HERC2: variants seen among roughly 807,000 people sequenced by gnomAD.
HERC2 encodes the protein E3 ubiquitin-protein ligase HERC2.
HERC2 carries 102 observed loss-of-function variants against 537.7 expected under a neutral mutation model. The observed-to-expected ratio is 0.19, with a 90% CI of 0.16 to 0.22. HERC2 has a LOEUF of 0.22. Among genes scored for constraint, HERC2 ranks in the 10% least tolerant of loss-of-function variants. The pLI, the probability that HERC2 is intolerant of heterozygous loss-of-function variation, is 1.00. For missense variants in HERC2, 4,236 were observed against 6,198.2 expected, an observed-to-expected ratio of 0.68 and a Z score of 10.63; for synonymous variants, 2,224 against 2,466.2, an observed-to-expected ratio of 0.90 and a Z score of 2.91.
At chr15:28,290,007 G>T (rs912867365) in intron 4 of HERC2, among the ~76,000 whole-genome samples, 1 of 152,238 alleles carries the variant, frequency 6.6e-6, no homozygotes, top group Non-Finnish European at 1.5e-5. Context: ...TCTCTCAGGC[G>T]GGGTTCAAAG....
Position 28,122,957 on chromosome 15 carries a change from C to T in HERC2, c.13188+1080G>A, listed in dbSNP as rs1386077439. Among the ~76,000 whole-genome samples the T allele has an allele frequency of 2.0e-5, 3 of 152,090 alleles. No homozygotes were observed. The highest frequency in any genetic ancestry group is 4.4e-5 in the Non-Finnish European group (3 of 68,012). On this transcript the variant is annotated intron_variant, in intron 85 of 92. Coordinates refer to ENST00000261609, the MANE Select transcript of HERC2 (RefSeq NM_004667.6). The surrounding 1 kb of genome is among the most constrained non-coding windows in gnomAD (Gnocchi z 4.1). ...CAAAGAAAGGTTTTTTTCCTCTGTG[C>T]TGCCTATTATCATCACCACTTTGAA...
At chr15:28,305,963 C>G (rs969464766) in intron 2 of HERC2, among the ~76,000 whole-genome samples, 47 of 152,168 alleles carry the variant, frequency 3.1e-4, no homozygotes, top group African/African-American at 1.1e-3. Flanking sequence ...AAATGCAAAT[C>G]AAAACCACTA....
At chr15:28,305,901 T>C (rs897887921) in intron 2 of HERC2, among the ~76,000 whole-genome samples, 6 of 152,142 alleles carry the variant, frequency 3.9e-5, no homozygotes, top group African/African-American at 1.2e-4. Context: ...AAGAAGACAT[T>C]TATGCAGCCA....
chr15:28,154,296 T>C (rs1892763507), intron 69 of HERC2, among the ~76,000 whole-genome samples: 1 of 152,232 alleles, frequency 6.6e-6, no homozygotes, highest in Non-Finnish European at 1.5e-5. Flanking sequence ...TATTATATAT[T>C]AACAAACTAA....
intron 4 of HERC2, among the ~76,000 whole-genome samples, chr15:28,286,493 G>A (rs1419886467): frequency 6.6e-6 from 1 of 152,112 alleles, no homozygotes; most frequent in Non-Finnish European, 1.5e-5. Context: ...CTATTAATAG[G>A]CTAAAGAACA....
At chr15:28,112,773 C>A (rs935221651) in intron 92 of HERC2, among the ~76,000 whole-genome samples, 1 of 152,186 alleles carries the variant, frequency 6.6e-6, no homozygotes, top group African/African-American at 2.4e-5. Flanking sequence ...TCACCTAATT[C>A]GACCAGATAA....
intron 89 of HERC2, 67 bp from the exon 90 acceptor site, chr15:28,114,869 A>C: frequency 7.5e-7 from 1 of 1,340,722 alleles, no homozygotes; most frequent in Non-Finnish European, 1.1e-6. Flanking sequence ...ACTCCAGTCC[A>C]CCCAGCACAC....
chr15:28,145,040 C>T (rs572027816), intron 71 of HERC2, among the ~76,000 whole-genome samples: 4 of 152,360 alleles, frequency 2.6e-5, no homozygotes, highest in South Asian at 2.1e-4. Context: ...CAGGAAACTG[C>T]GGCAGGCGGG....
At chr15:28,183,813 CTCTT>C (rs1319811502) in intron 56 of HERC2, among the ~76,000 whole-genome samples, 1 of 152,122 alleles carries the variant, frequency 6.6e-6, no homozygotes, top group African/African-American at 2.4e-5. Context: ...AAGTGGAAAA[CTCTT>C]TCATCCAATA....
chr15:28,115,307 C>T, intron 89 of HERC2, 122 bp downstream of exon 89: 1 of 491,574 alleles, frequency 2.0e-6, no homozygotes. Context: ...CCACAGCCAA[C>T]AGCCTCTGCG....
At chr15:28,195,619 G>T (rs1161047519) in intron 52 of HERC2, among the ~76,000 whole-genome samples, 1 of 151,932 alleles carries the variant, frequency 6.6e-6, no homozygotes, top group African/African-American at 2.4e-5. Context: ...GAGATGTCTG[G>T]AGTGGTCATA....
chr15:28,208,031 T>G (rs184786339), intron 44 of HERC2, among the ~76,000 whole-genome samples: 8 of 152,220 alleles, frequency 5.3e-5, no homozygotes, highest in African/African-American at 1.9e-4. Flanking sequence ...CACTGCTCAT[T>G]GGGCTGAGTG....
chr15:28,159,169 A>AT (rs1893317898), intron 69 of HERC2, among the ~76,000 whole-genome samples: 1 of 151,852 alleles, frequency 6.6e-6, no homozygotes, highest in South Asian at 2.1e-4. Context: ...TGCCCTTAAC[A>AT]TTTTTTCCTT....
chr15:28,175,634 A>G lies in HERC2; in HGVS notation c.9709T>C (p.Leu3237=), dbSNP rs139973203. 7.2e-4 allele frequency: 1,166 copies of G among 1,613,982 alleles called. 11 individuals are homozygous for G. In the African/African-American group the frequency reaches 0.014, roughly 19 times the overall value. The change falls in exon 64 of 93, where the codon TTG becomes CTG. Residue 3237 remains leucine (L), a synonymous_variant. Transcript: ENST00000261609. ...ACGTGCACGTCAGAGCCGTGGCCCA[A>G]TCTGAAGTAATCCCCCTTTCCCCTG... ...WTWGKGDYFR[L]GHGSDVHVRK...
chr15:28,166,914 T>C (rs1199319718), intron 68 of HERC2, among the ~76,000 whole-genome samples: 4 of 152,228 alleles, frequency 2.6e-5, no homozygotes, highest in Admixed American at 2.6e-4. Flanking sequence ...GAACTCCTGA[T>C]TCTATACAAT....
At chr15:28,164,868 T>C (rs1174355777) in intron 68 of HERC2, among the ~76,000 whole-genome samples, 1 of 152,224 alleles carries the variant, frequency 6.6e-6, no homozygotes, top group Non-Finnish European at 1.5e-5. Flanking sequence ...TGCCAAAAAT[T>C]AGAAGTTGAT....
At chr15:28,240,135 A>G (rs1460503376) in intron 23 of HERC2, among the ~76,000 whole-genome samples, 1 of 152,144 alleles carries the variant, frequency 6.6e-6, no homozygotes, top group Non-Finnish European at 1.5e-5. Flanking sequence ...AAATAATCCA[A>G]TCAGAGGGCG....
intron 9 of HERC2, chr15:28,271,970 G>A: frequency 1.9e-6 from 1 of 521,812 alleles, no homozygotes; most frequent in Non-Finnish European, 3.3e-6. Flanking sequence ...TTCTTTTCTG[G>A]TATTTATTTA....
At chr15:28,135,392 A>G in intron 79 of HERC2, 86 bp downstream of exon 79, 1 of 1,055,804 alleles carries the variant, frequency 9.5e-7, no homozygotes, top group Non-Finnish European at 1.4e-6. Context: ...TGCCTTGAAA[A>G]ACAAAGCGCC....
Sources: gnomAD v4.1 joint callset for allele counts (sites outside exome capture counted in the v4.1 genomes callset) on GRCh38, gnomAD v4.1.1 for gene constraint, Gnocchi (gnomAD v3.1) non-coding constraint, MANE v1.5 for transcripts, NCBI Gene and HGNC (gene_info 2026-07-23, HGNC 2026-07-21) for gene names.